TLN2: variants seen among roughly 807,000 people sequenced by gnomAD.
The protein encoded by TLN2 is talin-2.
A neutral mutation model predicts 294.7 loss-of-function variants in TLN2; 118 were observed. The ratio of observed to expected loss-of-function variants is 0.40; its 90% confidence interval spans 0.34 to 0.47. The LOEUF is 0.47. Ranked by LOEUF, TLN2 falls within the 20% of genes least tolerant of loss-of-function variation. The pLI is 0.84. For synonymous variants in TLN2, 1,431 were observed against 1,304.5 expected (o/e 1.10, Z -2.09); for missense variants, 3,083 against 3,282.2 (o/e 0.94, Z 1.48).
At chr15:62,658,808 A>G (rs1455209782) in intron 9 of TLN2, among the ~76,000 whole-genome samples, 1 of 152,124 alleles carries the variant, frequency 6.6e-6, no homozygotes, top group Admixed American at 6.5e-5. Flanking sequence ...AGCAGTTTCC[A>G]CGTTCCCACC....
At chr15:62,800,561 C>T (rs1218520636) in intron 49 of TLN2, 68 bp downstream of exon 49, 3 of 1,610,110 alleles carry the variant, frequency 1.9e-6, no homozygotes, top group African/African-American at 2.7e-5. Flanking sequence ...GGAGAGGCGT[C>T]CTTGCTCATA....
intron 52 of TLN2, among the ~76,000 whole-genome samples, chr15:62,818,629 A>T (rs576774231): frequency 2.2e-4 from 33 of 152,348 alleles, no homozygotes; most frequent in African/African-American, 7.9e-4. Flanking sequence ...GCAAATCCTC[A>T]GGACTTCTCC....
chr15:62,580,358 A>G (rs2140684182), intron 1 of TLN2, among the ~76,000 whole-genome samples: 1 of 151,960 alleles, frequency 6.6e-6, no homozygotes, highest in African/African-American at 2.4e-5. Flanking sequence ...ATTACCACCT[A>G]AAGACCATAG....
chr15:62,699,383 C>A (rs2058568532), intron 16 of TLN2, among the ~76,000 whole-genome samples: 2 of 151,552 alleles, frequency 1.3e-5, no homozygotes, highest in Non-Finnish European at 2.9e-5. Context: ...GACTCTTCCT[C>A]TATTTTTTTT....
chr15:62,522,359 C>T (rs955038142), intron 1 of TLN2, among the ~76,000 whole-genome samples: 2 of 152,148 alleles, frequency 1.3e-5, no homozygotes, highest in African/African-American at 2.4e-5. Flanking sequence ...CTGTACAGTT[C>T]GTTGGTTTCT....
intron 9 of TLN2, among the ~76,000 whole-genome samples, chr15:62,662,748 TC>T (rs1368490804): frequency 4.0e-5 from 6 of 151,796 alleles, no homozygotes; most frequent in Non-Finnish European, 8.8e-5. Flanking sequence ...CATAATATAT[TC>T]ATGATGATGA....
At chr15:62,642,097 G>A (rs761216818) in intron 3 of TLN2, among the ~76,000 whole-genome samples, 2 of 152,216 alleles carry the variant, frequency 1.3e-5, no homozygotes, top group Non-Finnish European at 2.9e-5. Context: ...CCACAGAAGG[G>A]TTTTGTGTTG....
intron 1 of TLN2, among the ~76,000 whole-genome samples, chr15:62,442,288 G>C (rs1307925665): frequency 1.3e-5 from 2 of 151,786 alleles, no homozygotes; most frequent in Non-Finnish European, 2.9e-5. Flanking sequence ...CTGAGGTCAG[G>C]GTTCCAGACT....
In TLN2 at chr15:62,763,615, C is replaced by G. The variant is rs373058762; in HGVS notation, c.5014C>G (p.Arg1672Gly). ...TGATTACTCCATCGATGGCATCAAC[C>G]GGTGCATCCGGGACATCGAGCAGGC... ...ECDYSIDGIN[R>G]CIRDIEQASL... The change falls in exon 40 of 59, where the codon CGG becomes GGG. Residue 1672 changes from arginine to glycine, a missense_variant. Coordinates refer to ENST00000636159, the MANE Select transcript of TLN2 (RefSeq NM_015059.3). The G allele has an allele frequency of 6.2e-7, 1 of 1,613,606 alleles. No individual in the cohort carries two copies. Among genetic ancestry groups the G allele is most frequent in the African/African-American group, 1.3e-5 (1 of 74,936 alleles).
intron 25 of TLN2, 31 bp from the exon 26 acceptor site, chr15:62,722,322 G>T (rs755680446): frequency 3.8e-6 from 6 of 1,587,278 alleles, no homozygotes; most frequent in Non-Finnish European, 5.2e-6. Context: ...CTGCCCAGGA[G>T]CCATCTTACT....
intron 45 of TLN2, among the ~76,000 whole-genome samples, chr15:62,785,509 G>C (rs1298205912): frequency 2.0e-5 from 3 of 152,142 alleles, no homozygotes; most frequent in Non-Finnish European, 4.4e-5. Context: ...CAAAAATACT[G>C]GGCGTGATGG....
chr15:62,781,533 G>T (rs1305852802), intron 44 of TLN2, among the ~76,000 whole-genome samples: 4 of 152,180 alleles, frequency 2.6e-5, no homozygotes, highest in African/African-American at 9.7e-5. Context: ...TGAAAAGACG[G>T]GGAAAGCAAG....
chr15:62,552,808 A>G (rs893465291), intron 1 of TLN2, among the ~76,000 whole-genome samples: 1 of 152,230 alleles, frequency 6.6e-6, no homozygotes, highest in African/African-American at 2.4e-5. Context: ...TGGCTAACAA[A>G]AATTTTGTGA....
chr15:62,588,356 A>G (rs2045794114), intron 1 of TLN2, among the ~76,000 whole-genome samples: 1 of 151,824 alleles, frequency 6.6e-6, no homozygotes, highest in South Asian at 2.1e-4. Flanking sequence ...ATAAAGAAAT[A>G]AGGGCGCAGC....
intron 1 of TLN2, among the ~76,000 whole-genome samples, chr15:62,527,810 T>C (rs941815321): frequency 1.3e-5 from 2 of 152,188 alleles, no homozygotes; most frequent in African/African-American, 4.8e-5. Flanking sequence ...AAGTACAAGA[T>C]GACCATTACT....
intron 1 of TLN2, among the ~76,000 whole-genome samples, chr15:62,514,031 A>G (rs62006690): frequency 0.2 from 30,803 of 152,210 alleles, 3,969 homozygotes; most frequent in African/African-American, 0.36. Context: ...AAACCTCAAC[A>G]TTAGCTTTGC....
At position 62,800,329 on chromosome 15, in the gene TLN2, C is replaced by A. The variant is rs781599939; in HGVS notation, c.6235-39C>A. The A allele has an allele frequency of 2.5e-6, 4 of 1,603,262 alleles. No homozygotes were observed. The South Asian group carries it at 4.5e-5, about 18-fold the overall frequency. ...CCTTGGTAAAGCCCACAGCTGACAT[C>A]TTGACGCCTGCTCACCTGAGTTCTG... On this transcript the variant is annotated intron_variant, in intron 48 of 58. Transcript: ENST00000636159.
intron 1 of TLN2, among the ~76,000 whole-genome samples, chr15:62,587,119 G>A (rs1167319750): frequency 1.3e-5 from 2 of 152,142 alleles, no homozygotes; most frequent in South Asian, 2.1e-4. Flanking sequence ...CATGACCCTC[G>A]GAAATGAATG....
chr15:62,465,839 A>G lies in TLN2; in HGVS notation c.-238+75154A>G, dbSNP rs2037104564. 1.3e-5 allele frequency among the ~76,000 whole-genome samples: 2 copies of G among 152,220 alleles called. 1 individual carries two copies. ...CTGTTTATGCATTTCTGCAGAGCAG[A>G]ACATAGAATTGGAAATGAAGCTTCC... On this transcript the variant is annotated intron_variant, in intron 1 of 58. Transcript: ENST00000636159.
Sources: gnomAD v4.1 joint callset for allele counts (sites outside exome capture counted in the v4.1 genomes callset) on GRCh38, gnomAD v4.1.1 for gene constraint, MANE v1.5 for transcripts, NCBI Gene and HGNC (gene_info 2026-07-23, HGNC 2026-07-21) for gene names.